The following SIK2 variants were observed in gnomAD, a reference collection of about 807,000 sequenced individuals.
SIK2 encodes serine/threonine-protein kinase SIK2.
A neutral mutation model predicts 103.2 loss-of-function variants in SIK2; 29 were observed. The ratio of observed to expected loss-of-function variants is 0.28; its 90% CI spans 0.21 to 0.38. The LOEUF is 0.38. Ranked by LOEUF, SIK2 falls within the 10% of genes least tolerant of loss-of-function variation. The pLI, the probability that SIK2 is intolerant of heterozygous loss-of-function variation, is 1.00. For missense variants in SIK2, 879 were observed against 1,171.0 expected (o/e 0.75, Z 3.64); for synonymous variants, 412 against 446.1 (o/e 0.92, Z 0.96).
chr11:111,642,192 A>G (rs2135856876), intron 3 of SIK2, among the ~76,000 whole-genome samples: 1 of 152,262 alleles, frequency 6.6e-6, no homozygotes, highest in South Asian at 2.1e-4. Context: ...TGAGTGTCCT[A>G]GAATTCATTT....
At chr11:111,677,426 G>GT (rs370599990) in intron 3 of SIK2, among the ~76,000 whole-genome samples, 10 of 150,510 alleles carry the variant, frequency 6.6e-5, no homozygotes, top group East Asian at 2.0e-4. Flanking sequence ...TTTGTTTTTT[G>GT]TTTTTTTTGG....
chr11:111,711,842 T>C (rs1313532556), intron 8 of SIK2, among the ~76,000 whole-genome samples: 1 of 152,210 alleles, frequency 6.6e-6, no homozygotes, highest in East Asian at 1.9e-4. Flanking sequence ...TCCTAAGATT[T>C]TTCTATTCTT....
chr11:111,629,211 T>G (rs1478029734), intron 3 of SIK2, among the ~76,000 whole-genome samples: 2 of 152,204 alleles, frequency 1.3e-5, no homozygotes, highest in Non-Finnish European at 2.9e-5. Flanking sequence ...AGCACTATCT[T>G]TTTGTTGGGT....
chr11:111,666,435 T>C (rs902195870), intron 3 of SIK2, among the ~76,000 whole-genome samples: 1 of 152,082 alleles, frequency 6.6e-6, no homozygotes, highest in African/African-American at 2.4e-5. Flanking sequence ...ACAGAAAGAT[T>C]AAAAAAAGAT....
intron 4 of SIK2, among the ~76,000 whole-genome samples, chr11:111,692,038 G>A (rs997194458): frequency 1.3e-5 from 2 of 152,038 alleles, no homozygotes; most frequent in African/African-American, 4.8e-5. Context: ...CAGGATTGGG[G>A]ATCGGGGAGA....
At chr11:111,719,750 G>A in intron 9 of SIK2, 25 bp from the exon 10 acceptor site, 1 of 1,601,026 alleles carries the variant, frequency 6.2e-7, no homozygotes, top group African/African-American at 1.3e-5. Context: ...CAGAAACTGA[G>A]TTTCCTCTCT....
intron 3 of SIK2, among the ~76,000 whole-genome samples, chr11:111,669,470 C>G (rs1942593703): frequency 6.6e-6 from 1 of 152,072 alleles, no homozygotes; most frequent in Non-Finnish European, 1.5e-5. Context: ...GTGGTGCATG[C>G]CTGTAGTCCC....
intron 3 of SIK2, among the ~76,000 whole-genome samples, chr11:111,664,698 C>CA (rs543311517): frequency 8.0e-5 from 11 of 138,340 alleles, no homozygotes; most frequent in African/African-American, 2.4e-4. Flanking sequence ...ACCACCCCCC[C>CA]CACACACACA....
At position 111,615,029 on chromosome 11, in the gene SIK2, C is replaced by T. The variant is rs1941785823; in HGVS notation, c.136-1214C>T. On this transcript the variant is annotated intron_variant, in intron 1 of 14. Transcript: ENST00000304987. ...TGGCACACACCTGTAATCCCAGCTA[C>T]TTGGGAAGCTGAGGCAGGAGAATCA... Among the ~76,000 whole-genome samples, 5 of 151,950 alleles carry T rather than the reference C, an allele frequency of 3.3e-5. No individual in the cohort carries two copies. The South Asian group carries it at 1.0e-3, about 32-fold the overall frequency.
intron 4 of SIK2, among the ~76,000 whole-genome samples, chr11:111,689,186 GA>G (rs1209624722): frequency 2.6e-5 from 4 of 152,246 alleles, no homozygotes; most frequent in African/African-American, 9.6e-5. Flanking sequence ...GATACAGGGG[GA>G]GCAGATAAGT....
Position 111,726,908 on chromosome 11 carries a change from A to G in SIK2, c.*2779A>G. On this transcript the variant is annotated 3_prime_UTR_variant, in exon 15 of 15. Transcript: ENST00000304987. ...CGTGAGGTAAAAATTTCGTTCGGCA[A>G]AAAGTGCAATATGTGTGGTACTTTA... is the stretch of plus-strand genomic sequence containing the variant. 1.3e-6 allele frequency: 2 copies of G among 1,571,122 alleles called. No individual in the cohort carries two copies. The highest frequency in any genetic ancestry group is 8.7e-7 in the Non-Finnish European group (1 of 1,143,830).
At chr11:111,721,778 A>G in intron 12 of SIK2, 52 bp from the exon 13 acceptor site, 1 of 1,419,710 alleles carries the variant, frequency 7.0e-7, no homozygotes, top group Non-Finnish European at 9.7e-7. Context: ...AAGAACTGAG[A>G]CGTTTTTCCC....
chr11:111,723,071 C>G (rs1217626847), intron 14 of SIK2, among the ~76,000 whole-genome samples: 2 of 152,140 alleles, frequency 1.3e-5, no homozygotes, highest in African/African-American at 4.8e-5. Context: ...GGCACAGGAG[C>G]CTTCCGTCCT....
chr11:111,630,768 GA>G (rs1942027626), intron 3 of SIK2, among the ~76,000 whole-genome samples: 1 of 152,154 alleles, frequency 6.6e-6, no homozygotes, highest in Non-Finnish European at 1.5e-5. Flanking sequence ...TCACTTCAAA[GA>G]AAGTACTTTT....
At position 111,620,324 on chromosome 11, in the gene SIK2, A is replaced by G. The variant is rs1253392775; in HGVS notation, c.253-15A>G. On this transcript the variant is annotated splice_polypyrimidine_tract_variant and intron_variant, in intron 2 of 14. Transcript: ENST00000304987. ...TACATTTCTGTCAGACTAATATGGA[A>G]TTATTTATCAATAGGTAATGGAGAC... The G allele has an allele frequency of 2.0e-6, 3 of 1,513,124 alleles. No homozygotes were observed. The highest frequency in any genetic ancestry group is 9.0e-7 in the Non-Finnish European group (1 of 1,105,962). 93.7% of individuals were successfully genotyped at this position (1,513,124 alleles called of 1,614,324 possible). A position where few individuals can be genotyped will look rare whatever the true frequency, so the allele number is the denominator to read the frequency against.
intron 3 of SIK2, among the ~76,000 whole-genome samples, chr11:111,637,416 T>A (rs909375343): frequency 2.0e-5 from 3 of 151,846 alleles, no homozygotes; most frequent in Admixed American, 1.3e-4. Context: ...ACGTGTGCCA[T>A]GGAATAACAC....
intron 9 of SIK2, among the ~76,000 whole-genome samples, chr11:111,712,766 T>C (rs1943537746): frequency 6.6e-6 from 1 of 152,216 alleles, no homozygotes; most frequent in Non-Finnish European, 1.5e-5. Context: ...CTTTATTTGA[T>C]TACTATTGCT....
At chr11:111,658,127 T>G (rs1305468826) in intron 3 of SIK2, among the ~76,000 whole-genome samples, 1 of 149,086 alleles carries the variant, frequency 6.7e-6, no homozygotes, top group Admixed American at 6.7e-5. Flanking sequence ...TATTTATTTA[T>G]TTATTTATTT....
chr11:111,707,104 G>A (rs1943370438), intron 8 of SIK2, among the ~76,000 whole-genome samples: 1 of 152,118 alleles, frequency 6.6e-6, no homozygotes, highest in South Asian at 2.1e-4. Context: ...CGAGAAAGAA[G>A]GAGATAAAAT....
Sources: allele counts gnomAD v4.1 joint callset (sites outside exome capture counted in the v4.1 genomes callset), GRCh38; gene constraint gnomAD v4.1.1; transcripts MANE v1.5; gene names NCBI Gene and HGNC (gene_info 2026-07-23, HGNC 2026-07-21).